The following SAMD8 variants were observed in gnomAD, a reference collection of about 807,000 sequenced individuals.
The protein encoded by SAMD8 is sphingomyelin synthase-related protein 1.
A neutral mutation model predicts 42.0 loss-of-function variants in SAMD8; 20 were observed. The ratio of observed to expected loss-of-function variants is 0.48; its 90% confidence interval spans 0.34 to 0.69. The LOEUF (loss-of-function observed/expected upper bound fraction) is 0.69. SAMD8 is among the 30% of genes least tolerant of loss of function. The pLI, the probability that SAMD8 is intolerant of heterozygous loss-of-function variation, is 0.01. For synonymous variants in SAMD8, 162 were observed against 173.0 expected (o/e 0.94, Z 0.50); for missense variants, 328 against 511.6 (o/e 0.64, Z 3.46).
intron 1 of SAMD8, among the ~76,000 whole-genome samples, chr10:75,123,760 G>A (rs1298443438): frequency 4.6e-5 from 7 of 151,480 alleles, no homozygotes; most frequent in Admixed American, 1.3e-4. Flanking sequence ...GCATGATCTC[G>A]GCTCACTGCA....
chr10:75,147,516 C>T (rs551902951), intron 1 of SAMD8, among the ~76,000 whole-genome samples: 1 of 151,840 alleles, frequency 6.6e-6, no homozygotes, highest in African/African-American at 2.4e-5. Flanking sequence ...TTAGTAGAGA[C>T]GGGGTTTCAC....
At chr10:75,122,726 C>T (rs1438882575) in intron 1 of SAMD8, among the ~76,000 whole-genome samples, 1 of 152,140 alleles carries the variant, frequency 6.6e-6, no homozygotes, top group African/African-American at 2.4e-5. Flanking sequence ...GGAGTTTAGC[C>T]TGGGCAACAT....
At position 75,163,018 on chromosome 10, in the gene SAMD8, C is replaced by T. The variant is rs371284881; in HGVS notation, c.579-1627C>T. Among the ~76,000 whole-genome samples the T allele has an allele frequency of 1.8e-4, 27 of 152,112 alleles. 1 individual carries two copies. In the East Asian group the frequency reaches 1.9e-3, roughly 11 times the overall value. ...TCGGCTCACTGCAACCTCCGCCTCC[C>T]GGGTTCAAGCAGTTCTCTGCCTCAG... On this transcript the variant is annotated intron_variant, in intron 2 of 5. Coordinates refer to ENST00000542569, the MANE Select transcript of SAMD8 (RefSeq NM_001174156.2).
chr10:75,111,700 G>A lies in SAMD8; in HGVS notation c.-38G>A. On this transcript the variant is annotated 5_prime_UTR_variant, in exon 1 of 6. Transcript: ENST00000542569. Reference sequence around the variant, plus strand: ...GACGCCGACTCGGAGGTGGGTCCGGGGAGCCCGACTCGGACCGCGGAGGTG... The same window carrying A: ...GACGCCGACTCGGAGGTGGGTCCGGAGAGCCCGACTCGGACCGCGGAGGTG... The A allele has an allele frequency of 8.1e-7, 1 of 1,235,338 alleles. No individual in the cohort carries two copies. 76.5% of individuals were successfully genotyped at this position (1,235,338 alleles called of 1,614,324 possible). A position where few individuals can be genotyped will look rare whatever the true frequency, so the allele number is the denominator to read the frequency against.
At chr10:75,110,017 C>G (rs1369535481), upstream of SAMD8, among the ~76,000 whole-genome samples, 2 of 152,092 alleles carry the variant, frequency 1.3e-5, no homozygotes, top group Non-Finnish European at 2.9e-5. Context: ...GGGGTTTTGC[C>G]ATGTTGGTCT....
chr10:75,120,068 A>C (rs1345856474), intron 1 of SAMD8, among the ~76,000 whole-genome samples: 2 of 152,124 alleles, frequency 1.3e-5, no homozygotes, highest in East Asian at 3.9e-4. Flanking sequence ...ACACTGTCTC[A>C]AAAAAAGTAA....
At chr10:75,142,262 C>A (rs1056424593) in intron 1 of SAMD8, among the ~76,000 whole-genome samples, 4 of 151,268 alleles carry the variant, frequency 2.6e-5, no homozygotes, top group African/African-American at 9.7e-5. Flanking sequence ...TTATTGATTT[C>A]TGCCCTCATC....
intron 1 of SAMD8, among the ~76,000 whole-genome samples, chr10:75,111,933 A>G (rs1848779121): frequency 6.6e-6 from 1 of 152,062 alleles, no homozygotes. Context: ...AGGCTGAGGG[A>G]TAAGTGGAGG....
At chr10:75,123,580 A>C (rs4746265) in intron 1 of SAMD8, among the ~76,000 whole-genome samples, 13,564 of 152,118 alleles carry the variant, frequency 0.089, 874 homozygotes, top group African/African-American at 0.18. Flanking sequence ...TGAGGGTGGG[A>C]GTGGAAATGG....
chr10:75,135,883 T>C (rs538966791), intron 1 of SAMD8, among the ~76,000 whole-genome samples: 66 of 152,216 alleles, frequency 4.3e-4, no homozygotes, highest in African/African-American at 1.5e-3. Flanking sequence ...TGAATTATTA[T>C]TTTGATTGCT....
chr10:75,162,966 C>G (rs1840593979), intron 2 of SAMD8, among the ~76,000 whole-genome samples: 1 of 151,912 alleles, frequency 6.6e-6, no homozygotes, highest in African/African-American at 2.4e-5. Flanking sequence ...GCTCTGTCAC[C>G]CAGGCTGGAG....
At chr10:75,139,079 G>A (rs1839959025) in intron 1 of SAMD8, among the ~76,000 whole-genome samples, 1 of 150,814 alleles carries the variant, frequency 6.6e-6, no homozygotes, top group African/African-American at 2.4e-5. Flanking sequence ...TCCCGCCTCA[G>A]CCTCCTGAGT....
chr10:75,114,842 CTT>C (rs1848841743), intron 1 of SAMD8, among the ~76,000 whole-genome samples: 1 of 152,114 alleles, frequency 6.6e-6, no homozygotes, highest in Non-Finnish European at 1.5e-5. Flanking sequence ...ATTGAATTCA[CTT>C]TTTAATTTTA....
rs1340433421 is a variant in SAMD8 at position 75,180,198 on chromosome 10, G to A, written c.*3506G>A. ...GTGGCTATCCTCTCCATAGTTTTCTGACCAGAATTGCAAGGGCAAAAATAG... is the reference window on the plus strand; with the variant it reads ...GTGGCTATCCTCTCCATAGTTTTCTAACCAGAATTGCAAGGGCAAAAATAG... On this transcript the variant is annotated 3_prime_UTR_variant, in exon 6 of 6. Transcript: ENST00000542569. 1 of 152,142 alleles carries A rather than the reference G, an allele frequency of 6.6e-6. No homozygotes were observed. Among genetic ancestry groups the A allele is most frequent in the Non-Finnish European group, 1.5e-5 (1 of 68,028 alleles). 9.4% of individuals were successfully genotyped at this position (152,142 alleles called of 1,614,324 possible).
chr10:75,165,330 A>G (rs147791254), intron 3 of SAMD8, among the ~76,000 whole-genome samples: 1 of 151,996 alleles, frequency 6.6e-6, no homozygotes, highest in East Asian at 1.9e-4. Context: ...CTTTGGTCAC[A>G]TGTTTAGATG....
intron 1 of SAMD8, among the ~76,000 whole-genome samples, chr10:75,105,426 T>G (rs1848433227): frequency 1.3e-5 from 2 of 152,122 alleles, no homozygotes; most frequent in South Asian, 2.1e-4. Flanking sequence ...GTGGGGGATA[T>G]GGGTTGGGGG....
At position 75,180,312 on chromosome 10, in the gene SAMD8, C is replaced by G. The variant is rs1043745586; in HGVS notation, c.*3620C>G. The stretch of plus-strand genomic sequence containing the variant: ...AAATAATGCGGACTATGCCTATAAT[C>G]CCAGCACTTTAGGAGGCTGAGGCAG... On this transcript the variant is annotated 3_prime_UTR_variant, in exon 6 of 6. Coordinates refer to ENST00000542569, the MANE Select transcript of SAMD8 (RefSeq NM_001174156.2). The G allele has an allele frequency of 6.6e-6, 1 of 152,248 alleles. No homozygotes were observed. Among genetic ancestry groups the G allele is most frequent in the African/African-American group, 2.4e-5 (1 of 41,466 alleles). The allele number at this position is 152,248 out of a possible 1,614,324, so 9.4% of individuals were successfully genotyped here.
chr10:75,161,996 C>A (rs1314404896), intron 2 of SAMD8, among the ~76,000 whole-genome samples: 1 of 151,986 alleles, frequency 6.6e-6, no homozygotes, highest in African/African-American at 2.4e-5. Flanking sequence ...CAAAATCACG[C>A]CACTACAGTC....
chr10:75,110,504 G>C (rs762044901), upstream of SAMD8, among the ~76,000 whole-genome samples: 3 of 152,184 alleles, frequency 2.0e-5, no homozygotes, highest in East Asian at 5.8e-4. Context: ...GGCCACACCA[G>C]GGCATCCCAT....
Sources: gnomAD v4.1 joint callset for allele counts (sites outside exome capture counted in the v4.1 genomes callset) on GRCh38, gnomAD v4.1.1 for gene constraint, MANE v1.5 for transcripts, NCBI Gene and HGNC (gene_info 2026-07-23, HGNC 2026-07-21) for gene names.